The following ETNPPL variants were observed in gnomAD, a reference collection of about 807,000 sequenced individuals.
ETNPPL encodes the protein ethanolamine-phosphate phospho-lyase.
Under a neutral mutation model 55.5 loss-of-function variants are expected in ETNPPL, and 30 were observed. That is an observed-to-expected ratio of 0.54 (90% CI 0.40 to 0.73). ETNPPL has a LOEUF of 0.73. ETNPPL is among the 30% of genes least tolerant of loss of function. The probability of loss-of-function intolerance (pLI) is 0.00; values close to 1 mark genes in which losing one functional copy is unlikely to be tolerated. For missense variants in ETNPPL, 528 were observed against 607.9 expected (o/e 0.87, Z 1.38); for synonymous variants, 202 against 207.2 (o/e 0.98, Z 0.21).
rs1728513823 is a variant in ETNPPL at position 108,746,646 on chromosome 4, T to C, written c.1172+116A>G. The C allele has an allele frequency of 3.4e-6, 5 of 1,463,904 alleles. No individual in the cohort carries two copies. The Admixed American group carries it at 8.9e-5, about 26-fold the overall frequency. 90.7% of individuals were successfully genotyped at this position (1,463,904 alleles called of 1,614,324 possible). ...GCATTTAAGAAGCCCACATTATAAA[T>C]AGGATGTATTTAAACTTTCCTTTTT... On this transcript the variant is annotated intron_variant, in intron 10 of 12. Transcript: ENST00000296486.
At chr4:108,759,189 C>T (rs941039075) in intron 3 of ETNPPL, among the ~76,000 whole-genome samples, 2 of 151,792 alleles carry the variant, frequency 1.3e-5, no homozygotes, top group African/African-American at 2.4e-5. Flanking sequence ...TGTTGCCAGG[C>T]GCAGTGGCTC....
chr4:108,743,125 G>A (rs1019782443), intron 12 of ETNPPL, among the ~76,000 whole-genome samples: 10 of 152,144 alleles, frequency 6.6e-5, no homozygotes, highest in African/African-American at 2.4e-4. Flanking sequence ...TGCGCAGGCG[G>A]GCTCGAGGCA....
chr4:108,743,916 C>G (rs1380109982), intron 11 of ETNPPL, 60 bp from the exon 12 acceptor site: 4 of 1,154,510 alleles, frequency 3.5e-6, no homozygotes, highest in African/African-American at 3.2e-5. Flanking sequence ...AAGAAAAAAA[C>G]TTTTTGGTAT....
Position 108,754,751 on chromosome 4 carries a change from C to T in ETNPPL, c.411-41G>A, listed in dbSNP as rs1386432036. ...AAAAAAAGCAGTAATCAAAATAATT[C>T]CAAGAGAGATATTTTCAAGTATATG... On this transcript the variant is annotated intron_variant, in intron 4 of 12. Coordinates refer to ENST00000296486, the MANE Select transcript of ETNPPL (RefSeq NM_031279.4). 6.2e-6 allele frequency: 7 copies of T among 1,129,990 alleles called. No individual in the cohort carries two copies. In the Admixed American group the frequency reaches 1.3e-4, roughly 21 times the overall value. The allele number at this position is 1,129,990 out of a possible 1,614,324, so 70.0% of individuals were successfully genotyped here.
chr4:108,752,632 G>A (rs1446112154), intron 6 of ETNPPL, among the ~76,000 whole-genome samples: 1 of 152,112 alleles, frequency 6.6e-6, no homozygotes, highest in Admixed American at 6.6e-5. Context: ...ACTAGACCCT[G>A]CATACCACTG....
At chr4:108,753,055 G>A (rs753981346) in intron 5 of ETNPPL, 44 bp from the exon 6 acceptor site, 14 of 1,065,500 alleles carry the variant, frequency 1.3e-5, no homozygotes, top group South Asian at 5.7e-5. Flanking sequence ...TTGCCTTTTC[G>A]ACAAACCTTA....
intron 9 of ETNPPL, among the ~76,000 whole-genome samples, chr4:108,747,351 T>C (rs9686030): frequency 0.012 from 1,831 of 148,332 alleles, 38 homozygotes; most frequent in African/African-American, 0.042. Context: ...TATTTAGAGC[T>C]ACATTAAGTT....
chr4:108,742,926 G>A lies in ETNPPL; in HGVS notation c.1372-314C>T, dbSNP rs956320354. ...ATTTGCAGGACTCTTTAATGCTTGG[G>A]GAACCAGTGGTTACAGCTGTGATTC... On this transcript the variant is annotated intron_variant, in intron 12 of 12. Coordinates refer to ENST00000296486, the MANE Select transcript of ETNPPL (RefSeq NM_031279.4). Among the ~76,000 whole-genome samples, 8 of 152,216 alleles carry A rather than the reference G, an allele frequency of 5.3e-5. 1 individual carries two copies. The highest frequency in any genetic ancestry group is 1.9e-4 in the African/African-American group (8 of 41,544).
intron 6 of ETNPPL, among the ~76,000 whole-genome samples, chr4:108,752,487 G>A (rs1444985529): frequency 6.6e-6 from 1 of 152,182 alleles, no homozygotes; most frequent in Non-Finnish European, 1.5e-5. Flanking sequence ...AGGCTCCATG[G>A]CTTCAAGAAG....
At position 108,761,049 on chromosome 4, in the gene ETNPPL, A is replaced by G. The variant is rs184914406; in HGVS notation, c.57-743T>C. Among the ~76,000 whole-genome samples the G allele has an allele frequency of 2.4e-3, 369 of 152,326 alleles. 3 individuals carry two copies. Among genetic ancestry groups the G allele is most frequent in the African/African-American group, 8.4e-3 (348 of 41,580 alleles). On this transcript the variant is annotated intron_variant, in intron 1 of 12. Coordinates refer to ENST00000296486, the MANE Select transcript of ETNPPL (RefSeq NM_031279.4). ...ATGGATTTTCCATTATTAAATAGTGAAATTCAATTATTCTTCTAAGCATTT... is the reference window on the plus strand; with the variant it reads ...ATGGATTTTCCATTATTAAATAGTGGAATTCAATTATTCTTCTAAGCATTT...
chr4:108,754,592 T>C (rs1729108041), intron 5 of ETNPPL, 28 bp downstream of exon 5: 1 of 1,145,842 alleles, frequency 8.7e-7, no homozygotes, highest in Non-Finnish European at 1.3e-6. Flanking sequence ...AATACAAACA[T>C]TCTGATTTAG....
chr4:108,755,092 G>A (rs1250318042), intron 4 of ETNPPL, among the ~76,000 whole-genome samples: 3 of 152,148 alleles, frequency 2.0e-5, no homozygotes, highest in Non-Finnish European at 4.4e-5. Context: ...AAGAATATGT[G>A]TTACATTCTA....
intron 4 of ETNPPL, among the ~76,000 whole-genome samples, 192 bp downstream of exon 4, chr4:108,756,226 A>G (rs1349610724): frequency 6.6e-6 from 1 of 152,228 alleles, no homozygotes; most frequent in Non-Finnish European, 1.5e-5. Context: ...CCTGGTACTT[A>G]GAAGGAATTA....
chr4:108,745,746 C>G (rs1458859371), intron 11 of ETNPPL, among the ~76,000 whole-genome samples: 1 of 152,000 alleles, frequency 6.6e-6, no homozygotes, highest in Non-Finnish European at 1.5e-5. Context: ...GCCTGGCCAA[C>G]ATAGTGAAAC....
intron 3 of ETNPPL, among the ~76,000 whole-genome samples, chr4:108,757,567 G>A (rs1360925307): frequency 6.6e-6 from 1 of 152,160 alleles, no homozygotes; most frequent in African/African-American, 2.4e-5. Flanking sequence ...GAGGTCAGGA[G>A]TTCAAGATCA....
At position 108,760,200 on chromosome 4, in the gene ETNPPL, T is replaced by C. The variant is rs1560662002; in HGVS notation, c.163A>G (p.Asn55Asp). ...NGEQYLDCIN[N>D]VAHVGHCHPG... ...ACAGGACATTTACCATGGGCAACAT[T>C]GTTGATGCAGTCCAAGTACTGTTCA... Residue 55 changes from asparagine (N) to aspartate (D), a missense_variant, in exon 2 of 13, where the codon AAT becomes GAT. By Grantham distance (23) the Asn-to-Asp change is conservative. Transcript: ENST00000296486. 3 of 1,596,844 alleles carry C rather than the reference T, an allele frequency of 1.9e-6. No homozygotes were observed. The South Asian group carries it at 3.3e-5, about 18-fold the overall frequency.
At chr4:108,743,242 C>T (rs989790356) in intron 12 of ETNPPL, among the ~76,000 whole-genome samples, 2 of 152,312 alleles carry the variant, frequency 1.3e-5, no homozygotes, top group East Asian at 1.9e-4. Context: ...CTCTTTCTCA[C>T]ACCCTGGGCA....
intron 4 of ETNPPL, among the ~76,000 whole-genome samples, chr4:108,755,821 AAAAC>A (rs113876945): frequency 5.9e-5 from 9 of 152,022 alleles, no homozygotes; most frequent in South Asian, 4.1e-4. Context: ...ACTCCGTCTC[AAAAC>A]AAACAAACAA....
intron 5 of ETNPPL, among the ~76,000 whole-genome samples, chr4:108,753,749 TAAGAAAGAAAGA>T (rs758544848): frequency 7.4e-4 from 57 of 76,766 alleles, no homozygotes; most frequent in Middle Eastern, 6.5e-3. Context: ...CTCAAATAAA[TAAGAAAGAAAGA>T]AAGAAAGAAA....
Sources: allele counts gnomAD v4.1 joint callset (sites outside exome capture counted in the v4.1 genomes callset), GRCh38; gene constraint gnomAD v4.1.1; transcripts MANE v1.5; gene names NCBI Gene and HGNC (gene_info 2026-07-23, HGNC 2026-07-21).